The following PWWP3B variants were observed in gnomAD, a reference collection of about 807,000 sequenced individuals.
The protein encoded by PWWP3B is PWWP domain containing 3B.
A neutral mutation model predicts 15.7 loss-of-function variants in PWWP3B; 5 were observed. The ratio of observed to expected loss-of-function variants is 0.32; its 90% confidence interval spans 0.17 to 0.67. PWWP3B has a LOEUF of 0.67. Ranked by LOEUF, PWWP3B falls within the 30% of genes least tolerant of loss-of-function variation. The pLI, the probability that PWWP3B is intolerant of heterozygous loss-of-function variation, is 0.74. For synonymous variants in PWWP3B, 203 were observed against 179.8 expected (o/e 1.13, Z -1.03); for missense variants, 519 against 493.1 (o/e 1.05, Z -0.50).
intron 2 of PWWP3B, among the ~76,000 whole-genome samples, chrX:106,196,210 A>G (rs1401346850): frequency 9.0e-6 from 1 of 111,719 alleles, no homozygotes; most frequent in Non-Finnish European, 1.9e-5. Context: ...GGGATTTTCT[A>G]CATACATCAT....
At chrX:106,184,649 C>T (rs138632850) in intron 2 of PWWP3B, among the ~76,000 whole-genome samples, 2 of 111,985 alleles carry the variant, frequency 1.8e-5, no homozygotes, top group East Asian at 5.7e-4. Flanking sequence ...TCATTAAAGG[C>T]CAGGGTTTGA....
chrX:106,177,061 G>A (rs147617874), intron 2 of PWWP3B, among the ~76,000 whole-genome samples: 2,690 of 112,845 alleles, frequency 0.024, 90 homozygotes, highest in African/African-American at 0.082. Flanking sequence ...ATATGGTAAA[G>A]GCATTTCTAC....
intron 2 of PWWP3B, among the ~76,000 whole-genome samples, chrX:106,200,766 C>T (rs1203580429): frequency 9.0e-6 from 1 of 111,407 alleles, no homozygotes; most frequent in Non-Finnish European, 1.9e-5. Flanking sequence ...ACAGAATTGC[C>T]GGCCGGGCGC....
intron 2 of PWWP3B, among the ~76,000 whole-genome samples, chrX:106,193,394 A>C (rs1421047121): frequency 1.8e-5 from 2 of 111,386 alleles, no homozygotes; most frequent in Non-Finnish European, 3.8e-5. Context: ...TTTGCTTTGT[A>C]GATCTTCCTC....
At chrX:106,188,662 T>C (rs965509894) in intron 2 of PWWP3B, among the ~76,000 whole-genome samples, 2 of 112,530 alleles carry the variant, frequency 1.8e-5, no homozygotes, top group Non-Finnish European at 3.8e-5. Flanking sequence ...TCCTGCCCCA[T>C]TGTAGTCAAT....
chrX:106,170,333 TTTC>T (rs1474320398), intron 1 of PWWP3B, among the ~76,000 whole-genome samples: 1 of 112,260 alleles, frequency 8.9e-6, no homozygotes, highest in Non-Finnish European at 1.9e-5. Context: ...GGAGATTTCC[TTTC>T]TTCTTTGGAA....
intron 2 of PWWP3B, among the ~76,000 whole-genome samples, chrX:106,196,049 A>T (rs1923357655): frequency 8.9e-6 from 1 of 111,911 alleles, no homozygotes; most frequent in East Asian, 2.8e-4. Flanking sequence ...TTTTGATGAT[A>T]TTACAAATGG....
At chrX:106,200,663 G>A (rs1367434417) in intron 2 of PWWP3B, among the ~76,000 whole-genome samples, 1 of 111,524 alleles carries the variant, frequency 9.0e-6, no homozygotes. Context: ...AATGTACAAA[G>A]TATATTTCGG....
chrX:106,180,095 C>G (rs1196633603), intron 2 of PWWP3B, among the ~76,000 whole-genome samples: 2 of 111,500 alleles, frequency 1.8e-5, no homozygotes, highest in Non-Finnish European at 3.8e-5. Flanking sequence ...CCCCCAGTAT[C>G]TGTGTCTGGC....
chrX:106,171,475 A>T (rs771974403), intron 2 of PWWP3B, among the ~76,000 whole-genome samples: 1 of 111,911 alleles, frequency 8.9e-6, no homozygotes, highest in Admixed American at 9.5e-5. Context: ...CTAGGTTGTC[A>T]TACCATAAAC....
chrX:106,203,941 T>C (rs1923845470), intron 2 of PWWP3B, 44 bp from the exon 3 acceptor site: 1 of 112,335 alleles, frequency 8.9e-6, no homozygotes, highest in Middle Eastern at 4.2e-3. Context: ...TCTTGACACT[T>C]TTCCCATTTC....
chrX:106,189,356 A>G (rs1000803882), intron 2 of PWWP3B, among the ~76,000 whole-genome samples: 1 of 110,265 alleles, frequency 9.1e-6, no homozygotes, highest in African/African-American at 3.3e-5. Context: ...CATTAGGTAT[A>G]TCTCCTAATG....
At chrX:106,198,462 T>C (rs1309340036) in intron 2 of PWWP3B, among the ~76,000 whole-genome samples, 1 of 111,774 alleles carries the variant, frequency 8.9e-6, no homozygotes, top group Non-Finnish European at 1.9e-5. Context: ...AATGTTGTTA[T>C]ACAGAGTGAG....
chrX:106,175,431 G>A (rs1048141490), intron 2 of PWWP3B, among the ~76,000 whole-genome samples: 2 of 108,525 alleles, frequency 1.8e-5, no homozygotes, highest in South Asian at 4.1e-4. Flanking sequence ...TAGTAGAGAC[G>A]GGGTTTCACC....
rs1421198809 is a variant in PWWP3B, at chrX:106,195,542, G to T, written c.-400-8443G>T. Among the ~76,000 whole-genome samples, 4 of 111,457 alleles carry T rather than the reference G, an allele frequency of 3.6e-5. No homozygotes were observed. In the East Asian group the frequency reaches 1.1e-3, roughly 32 times the overall value. On this transcript the variant is annotated intron_variant, in intron 2 of 3. Transcript: ENST00000357175. ...GAGGGGTCAAGAAGAATATTTTGGT[G>T]TGTGATGTCCAGTTGTTCCGTACCA...
intron 2 of PWWP3B, among the ~76,000 whole-genome samples, chrX:106,198,334 A>T (rs1364640571): frequency 1.8e-5 from 2 of 111,562 alleles, no homozygotes; most frequent in Non-Finnish European, 3.8e-5. Context: ...AAAATGTCAT[A>T]TAAATGAAAT....
At chrX:106,192,916 A>T (rs1369204339) in intron 2 of PWWP3B, among the ~76,000 whole-genome samples, 8 of 111,348 alleles carry the variant, frequency 7.2e-5, no homozygotes, top group Non-Finnish European at 1.5e-4. Flanking sequence ...ACAGTTTGTT[A>T]TAATTTCTGT....
chrX:106,169,517 C>T (rs992606926), intron 1 of PWWP3B, among the ~76,000 whole-genome samples: 64 of 111,413 alleles, frequency 5.7e-4, no homozygotes, highest in African/African-American at 2.0e-3. Flanking sequence ...TAGCCACACA[C>T]ACATTCCATT....
At chrX:106,190,033 A>T (rs1413670045) in intron 2 of PWWP3B, among the ~76,000 whole-genome samples, 1 of 111,969 alleles carries the variant, frequency 8.9e-6, no homozygotes, top group Non-Finnish European at 1.9e-5. Flanking sequence ...TAGCAGCATG[A>T]TTTATAGTCC....
Sources: allele counts gnomAD v4.1 joint callset (sites outside exome capture counted in the v4.1 genomes callset), GRCh38; gene constraint gnomAD v4.1.1; transcripts MANE v1.5; gene names NCBI Gene and HGNC (gene_info 2026-07-23, HGNC 2026-07-21).